Variants in TMEM132C observed in about 807,000 individuals in gnomAD.
TMEM132C encodes protein phosphatase 1, regulatory subunit 152.
TMEM132C carries 29 observed loss-of-function variants against 61.4 expected under a neutral mutation model. The observed-to-expected ratio is 0.47, with a 90% confidence interval of 0.35 to 0.64. The LOEUF (loss-of-function observed/expected upper bound fraction) is 0.64. Ranked by LOEUF, TMEM132C falls within the 30% of genes least tolerant of loss-of-function variation. The probability of loss-of-function intolerance (pLI) is 0.00; values close to 1 mark genes in which losing one functional copy is unlikely to be tolerated. For missense variants in TMEM132C, 1,408 were observed against 1,476.9 expected, an observed-to-expected ratio of 0.95 and a Z score of 0.76; for synonymous variants, 656 against 633.1, an observed-to-expected ratio of 1.04 and a Z score of -0.54.
At chr12:128,301,391 T>C (rs1330898470) in intron 1 of TMEM132C, among the ~76,000 whole-genome samples, 1 of 152,220 alleles carries the variant, frequency 6.6e-6, no homozygotes, top group Admixed American at 6.5e-5. Flanking sequence ...TTAAAAACAT[T>C]GTTCTTTTAC....
Position 128,541,885 on chromosome 12 carries a change from C to T in TMEM132C, c.975-2072C>T, listed in dbSNP as rs1281448972. 9.2e-5 allele frequency among the ~76,000 whole-genome samples: 14 copies of T among 152,106 alleles called. 1 individual carries two copies. The highest frequency in any genetic ancestry group is 9.2e-4 in the Admixed American group (14 of 15,268). Reference sequence around the variant, plus strand: ...GATGCAGTCTAGGGGGACCCGCCTGCGAATCTCAGCATTCAGCACACATGG... The same window carrying T: ...GATGCAGTCTAGGGGGACCCGCCTGTGAATCTCAGCATTCAGCACACATGG... On this transcript the variant is annotated intron_variant, in intron 2 of 8. Transcript: ENST00000435159.
chr12:128,361,235 G>A (rs996803001), intron 1 of TMEM132C, among the ~76,000 whole-genome samples: 8 of 152,204 alleles, frequency 5.3e-5, no homozygotes, highest in African/African-American at 1.9e-4. Context: ...TGTCTTCAAA[G>A]CTGTGTTGCT....
rs1868690645 is a variant in TMEM132C, at chr12:128,414,677, G to C, written c.86-55G>C. ...TTACAGACCTAACAGCTAATGAGCA[G>C]CCCATTAATAATCCTGTCTTTGTCT... On this transcript the variant is annotated intron_variant, in intron 1 of 8. Coordinates refer to ENST00000435159, the MANE Select transcript of TMEM132C (RefSeq NM_001136103.3). 4 of 1,453,206 alleles carry C rather than the reference G, an allele frequency of 2.8e-6. No homozygotes were observed. The East Asian group carries it at 1.0e-4, about 36-fold the overall frequency. The allele number at this position is 1,453,206 out of a possible 1,614,324, so 90.0% of individuals were successfully genotyped here.
At chr12:128,288,046 CCTCT>C (rs1312603969) in intron 1 of TMEM132C, 1 of 151,510 alleles carries the variant, frequency 6.6e-6, no homozygotes, top group African/African-American at 2.4e-5. Flanking sequence ...CCTGCAGGAT[CCTCT>C]CTTACTTTTT....
intron 1 of TMEM132C, among the ~76,000 whole-genome samples, chr12:128,291,116 A>G (rs940437651): frequency 1.3e-5 from 2 of 152,190 alleles, no homozygotes; most frequent in African/African-American, 4.8e-5. Flanking sequence ...CCCGAGCAGC[A>G]CAGGAATCCC....
Position 128,705,296 on chromosome 12 carries a change from C to G in TMEM132C, c.2328C>G (p.Ala776=). 1 of 1,551,402 alleles carries G rather than the reference C, an allele frequency of 6.4e-7. No individual in the cohort carries two copies. The highest frequency in any genetic ancestry group is 2.4e-5 in the East Asian group (1 of 40,908). The change falls in exon 9 of 9, where the codon GCC becomes GCG. Residue 776 remains alanine (A), a synonymous_variant. Coordinates refer to ENST00000435159, the MANE Select transcript of TMEM132C (RefSeq NM_001136103.3). ...TGATCCGAGTGGACATGACGATCGCCGAGGCCTGCCAGAAATCTAAACGCA... is the reference window on the plus strand; with the variant it reads ...TGATCCGAGTGGACATGACGATCGCGGAGGCCTGCCAGAAATCTAAACGCA... ...GPLIRVDMTI[A]EACQKSKRKS...
chr12:128,493,062 A>G (rs147395711), intron 2 of TMEM132C, among the ~76,000 whole-genome samples: 9,861 of 152,244 alleles, frequency 0.065, 382 homozygotes, highest in Middle Eastern at 0.1. Flanking sequence ...TCAGCTTTCT[A>G]CATATGGCTA....
intron 1 of TMEM132C, among the ~76,000 whole-genome samples, chr12:128,388,102 C>T (rs1321483741): frequency 2.6e-5 from 4 of 152,218 alleles, no homozygotes; most frequent in African/African-American, 4.8e-5. Flanking sequence ...TCCAAGAGCC[C>T]GAGCCCAGGA....
intron 1 of TMEM132C, among the ~76,000 whole-genome samples, chr12:128,314,976 A>G (rs1396281722): frequency 1.3e-5 from 2 of 152,234 alleles, no homozygotes. Flanking sequence ...GTAAACAAGG[A>G]AACAAGTAAA....
intron 3 of TMEM132C, among the ~76,000 whole-genome samples, chr12:128,549,138 G>C (rs1294434722): frequency 6.6e-6 from 1 of 152,126 alleles, no homozygotes; most frequent in Non-Finnish European, 1.5e-5. Context: ...GCTGGGCTTA[G>C]CTCCAAGCCT....
intron 4 of TMEM132C, among the ~76,000 whole-genome samples, chr12:128,629,014 A>C (rs1954043188): frequency 6.6e-6 from 1 of 152,214 alleles, no homozygotes; most frequent in South Asian, 2.1e-4. Context: ...TCACATGAGG[A>C]GGAAAGAAAA....
At chr12:128,672,221 T>A (rs1954539301) in intron 5 of TMEM132C, among the ~76,000 whole-genome samples, 1 of 152,162 alleles carries the variant, frequency 6.6e-6, no homozygotes, top group Non-Finnish European at 1.5e-5. Flanking sequence ...CAGTGCTTCA[T>A]AGCCATGTGT....
intron 4 of TMEM132C, among the ~76,000 whole-genome samples, chr12:128,666,040 C>A (rs1954467098): frequency 7.8e-6 from 1 of 127,526 alleles, no homozygotes; most frequent in African/African-American, 4.0e-5. Flanking sequence ...TTCACAGGCA[C>A]TCATACACAA....
chr12:128,325,882 G>T (rs1269161280), intron 1 of TMEM132C, among the ~76,000 whole-genome samples: 10 of 152,078 alleles, frequency 6.6e-5, no homozygotes, highest in Non-Finnish European at 1.5e-4. Flanking sequence ...TTGTTGGACA[G>T]CTAGCAGTTT....
At chr12:128,540,471 C>A (rs1873697109) in intron 2 of TMEM132C, among the ~76,000 whole-genome samples, 1 of 152,182 alleles carries the variant, frequency 6.6e-6, no homozygotes, top group African/African-American at 2.4e-5. Flanking sequence ...CCAGGATAAT[C>A]TCTATCTGCT....
intron 5 of TMEM132C, among the ~76,000 whole-genome samples, chr12:128,670,355 A>T (rs1266858007): frequency 3.3e-5 from 5 of 152,196 alleles, no homozygotes; most frequent in Non-Finnish European, 7.3e-5. Context: ...AGCATATTAT[A>T]CCAAAAAATT....
At chr12:128,298,729 G>A (rs1871504838) in intron 1 of TMEM132C, among the ~76,000 whole-genome samples, 1 of 152,214 alleles carries the variant, frequency 6.6e-6, no homozygotes, top group Admixed American at 6.5e-5. Context: ...TGAGGCTGGA[G>A]TTGTCTTTGA....
At chr12:128,325,754 C>T (rs1205549158) in intron 1 of TMEM132C, among the ~76,000 whole-genome samples, 2 of 152,080 alleles carry the variant, frequency 1.3e-5, no homozygotes, top group Admixed American at 6.5e-5. Context: ...TCTGGTGCTC[C>T]CCCAGTTGGA....
chr12:128,469,640 TTG>T lies in TMEM132C; in HGVS notation c.974+54042_974+54043del, dbSNP rs745661735. On this transcript the variant is annotated intron_variant, in intron 2 of 8. Coordinates refer to ENST00000435159, the MANE Select transcript of TMEM132C (RefSeq NM_001136103.3). ...GCTTGTATGCTTTGTGTGTGTGTGT[TTG>T]TGTGTGTGTGTGTGTGTGTGTATAT... 8.8e-3 allele frequency among the ~76,000 whole-genome samples: 1,294 copies of T among 146,504 alleles called. 12 individuals carry two copies. Among genetic ancestry groups the T allele is most frequent in the Non-Finnish European group, 0.011 (698 of 66,242 alleles).
Sources: allele counts gnomAD v4.1 joint callset (sites outside exome capture counted in the v4.1 genomes callset), GRCh38; gene constraint gnomAD v4.1.1; transcripts MANE v1.5; gene names NCBI Gene and HGNC (gene_info 2026-07-23, HGNC 2026-07-21).